KALRN: variants seen among roughly 807,000 people sequenced by gnomAD.
KALRN encodes kalirin RhoGEF kinase.
In KALRN, 70 loss-of-function variants were observed where a neutral mutation model predicts 353.7. The observed-to-expected ratio is 0.20, with a 90% CI of 0.16 to 0.24. The LOEUF is 0.24. KALRN is among the 10% of genes least tolerant of loss of function. The probability of loss-of-function intolerance (pLI) is 1.00; values close to 1 mark genes in which losing one functional copy is unlikely to be tolerated. For synonymous variants in KALRN, 1,391 were observed against 1,434.8 expected, an observed-to-expected ratio of 0.97 and a Z score of 0.69; for missense variants, 2,791 against 3,756.7, an observed-to-expected ratio of 0.74 and a Z score of 6.72.
chr3:124,556,196 A>G (rs2071219164), intron 33 of KALRN, among the ~76,000 whole-genome samples: 1 of 152,128 alleles, frequency 6.6e-6, no homozygotes, highest in East Asian at 1.9e-4. Flanking sequence ...TCATTTACAC[A>G]CCATGGGAAA....
At chr3:124,102,234 T>C (rs2061930379) in intron 1 of KALRN, among the ~76,000 whole-genome samples, 1 of 152,300 alleles carries the variant, frequency 6.6e-6, no homozygotes, top group South Asian at 2.1e-4. Context: ...CCAGGCCTCT[T>C]GTCTAATAAA....
At chr3:124,402,709 C>T (rs936605102) in intron 13 of KALRN, among the ~76,000 whole-genome samples, 4 of 152,246 alleles carry the variant, frequency 2.6e-5, no homozygotes, top group South Asian at 2.1e-4. Context: ...GTTATAAAAA[C>T]GTTCGGTCAC....
At chr3:124,321,737 G>A (rs2079362266) in intron 6 of KALRN, among the ~76,000 whole-genome samples, 2 of 152,158 alleles carry the variant, frequency 1.3e-5, no homozygotes, top group African/African-American at 4.8e-5. Flanking sequence ...AGATTTTGTT[G>A]GAATTTAGTT....
At chr3:124,618,664 A>G (rs1424800102) in intron 34 of KALRN, among the ~76,000 whole-genome samples, 1 of 152,178 alleles carries the variant, frequency 6.6e-6, no homozygotes, top group Non-Finnish European at 1.5e-5. Flanking sequence ...GCTTGTTTGA[A>G]GGCCTAAGAC....
chr3:124,217,644 T>C lies in KALRN; in HGVS notation c.74-10346T>C, dbSNP rs116189606. 1.8e-3 allele frequency among the ~76,000 whole-genome samples: 270 copies of C among 152,334 alleles called. 1 individual carries two copies. The highest frequency in any genetic ancestry group is 6.3e-3 in the African/African-American group (262 of 41,588). On this transcript the variant is annotated intron_variant, in intron 1 of 59. Transcript: ENST00000682506. ...TTAACATCTCTTTCATCTCTGCCTCTTTCTCTTTTGGTTGGCATATCCTAA... is the reference window on the plus strand; with the variant it reads ...TTAACATCTCTTTCATCTCTGCCTCCTTCTCTTTTGGTTGGCATATCCTAA...
intron 7 of KALRN, among the ~76,000 whole-genome samples, chr3:124,328,737 T>C (rs2080192174): frequency 6.6e-6 from 1 of 152,224 alleles, no homozygotes; most frequent in South Asian, 2.1e-4. Context: ...AAACGGTTGC[T>C]GTACCAGAAC....
chr3:124,323,946 C>T (rs2079609830), intron 6 of KALRN, among the ~76,000 whole-genome samples: 1 of 152,178 alleles, frequency 6.6e-6, no homozygotes, highest in African/African-American at 2.4e-5. Flanking sequence ...TGATCACTCT[C>T]TGACCTCAGA....
chr3:124,651,739 G>A (rs184801846), intron 38 of KALRN, among the ~76,000 whole-genome samples: 219 of 151,476 alleles, frequency 1.4e-3, no homozygotes, highest in Admixed American at 3.2e-3. Flanking sequence ...CTGGGCTCAA[G>A]GGATCCTCTC....
Position 124,412,434 on chromosome 3 carries a change from T to C in KALRN, c.2347-1036T>C, listed in dbSNP as rs114115086. On this transcript the variant is annotated intron_variant, in intron 13 of 59. Transcript: ENST00000682506. ...GATGACAGTACACATGCTGTCGCCT[T>C]CAAGGGGTGTCATCGGGGTAGCATG... Among the ~76,000 whole-genome samples, 243 of 152,316 alleles carry C rather than the reference T, an allele frequency of 1.6e-3. 1 individual carries two copies. Among genetic ancestry groups the C allele is most frequent in the African/African-American group, 5.7e-3 (238 of 41,572 alleles).
At position 124,462,546 on chromosome 3, in the gene KALRN, G is replaced by A. The variant is rs764170666; in HGVS notation, c.3944G>A (p.Ser1315Asn). ...CAGACCTACCTGTGGGAAATGACCA[G>A]TGGTGTGGAGGAGATCCCCCCTGGG... ...CLETYLWEMTSGVEEIPPGIL... is the reference protein window; with the variant it reads ...CLETYLWEMTNGVEEIPPGIL... The change falls in exon 25 of 60, where the codon AGT (serine) becomes AAT (asparagine). Residue 1315 changes from serine to asparagine, a missense_variant. Around this residue, in one of 11 missense-constraint regions of KALRN, gnomAD observed 268 missense variants for 347.0 expected, o/e 0.77. Transcript: ENST00000682506. 1 of 1,609,872 alleles carries A rather than the reference G, an allele frequency of 6.2e-7. No individual in the cohort carries two copies. Among genetic ancestry groups the A allele is most frequent in the Non-Finnish European group, 8.5e-7 (1 of 1,176,192 alleles).
chr3:124,438,836 A>G lies in KALRN; in HGVS notation c.3049-52A>G, dbSNP rs2093569048. On this transcript the variant is annotated intron_variant, in intron 17 of 59. Transcript: ENST00000682506. ...TTCTATAGGCTGAAGGTCCTCAGAG[A>G]ATAATTCCTGAATAATTAATTTACT... The G allele has an allele frequency of 2.6e-6, 4 of 1,548,534 alleles. No homozygotes were observed. The African/African-American group carries it at 5.4e-5, about 21-fold the overall frequency.
At chr3:124,406,867 T>A (rs754045153) in intron 13 of KALRN, among the ~76,000 whole-genome samples, 1 of 138,508 alleles carries the variant, frequency 7.2e-6, no homozygotes, top group Non-Finnish European at 1.5e-5. Flanking sequence ...GGTCTCACTC[T>A]GTCACCCAAG....
intron 18 of KALRN, among the ~76,000 whole-genome samples, chr3:124,440,780 AATT>A: frequency 6.6e-6 from 1 of 152,078 alleles, no homozygotes. Flanking sequence ...ATGGATTAAA[AATT>A]AGTATGCTAG....
chr3:124,286,554 T>C (rs906554641), intron 5 of KALRN, among the ~76,000 whole-genome samples: 15 of 152,136 alleles, frequency 9.9e-5, no homozygotes, highest in African/African-American at 3.6e-4. Flanking sequence ...CCCTGCCCAG[T>C]GTGCTGTTTT....
At chr3:124,281,641 G>A (rs982310330) in intron 5 of KALRN, among the ~76,000 whole-genome samples, 1 of 152,164 alleles carries the variant, frequency 6.6e-6, no homozygotes, top group African/African-American at 2.4e-5. Context: ...CCTGTTGGAG[G>A]TGCTCTTTCT....
intron 6 of KALRN, among the ~76,000 whole-genome samples, chr3:124,323,339 A>C (rs1469433086): frequency 6.6e-6 from 1 of 152,088 alleles, no homozygotes; most frequent in Non-Finnish European, 1.5e-5. Context: ...CACTTGCTTC[A>C]TTTTGCCTTA....
chr3:124,430,167 A>G (rs150247515), intron 15 of KALRN, among the ~76,000 whole-genome samples: 110 of 152,388 alleles, frequency 7.2e-4, no homozygotes, highest in African/African-American at 2.5e-3. Flanking sequence ...GGTGAATACC[A>G]TAACGGTGGT....
intron 10 of KALRN, among the ~76,000 whole-genome samples, chr3:124,360,814 C>T (rs528313311): frequency 7.2e-5 from 11 of 152,266 alleles, no homozygotes; most frequent in Non-Finnish European, 1.5e-4. Flanking sequence ...CAGGAATGTG[C>T]TTGCTGCTGG....
intron 13 of KALRN, among the ~76,000 whole-genome samples, chr3:124,407,272 C>G (rs960212123): frequency 3.3e-5 from 5 of 152,114 alleles, no homozygotes; most frequent in African/African-American, 1.2e-4. Context: ...GCACTTAATA[C>G]ATAGTAGTCA....
Sources: allele counts gnomAD v4.1 joint callset (sites outside exome capture counted in the v4.1 genomes callset), GRCh38; gene constraint gnomAD v4.1.1; regional missense constraint gnomAD v4.1.1; transcripts MANE v1.5; gene names NCBI Gene and HGNC (gene_info 2026-07-23, HGNC 2026-07-21).